The following NDUFS2 variants were observed in gnomAD, a reference collection of about 807,000 sequenced individuals.
NDUFS2 encodes NADH:ubiquinone oxidoreductase core subunit S2.
A neutral mutation model predicts 69.6 loss-of-function variants in NDUFS2; 38 were observed. That is an observed-to-expected ratio of 0.55 (90% CI 0.42 to 0.72). NDUFS2 has a LOEUF of 0.72. Ranked by LOEUF, NDUFS2 falls within the 30% of genes least tolerant of loss-of-function variation. The pLI, the probability that NDUFS2 is intolerant of heterozygous loss-of-function variation, is 0.00. For missense variants in NDUFS2, 468 were observed against 595.0 expected, an observed-to-expected ratio of 0.79 and a Z score of 2.22; for synonymous variants, 194 against 211.2, an observed-to-expected ratio of 0.92 and a Z score of 0.70.
chr1:161,204,612 CAA>C (rs1372690542), intron 2 of NDUFS2, among the ~76,000 whole-genome samples: 1 of 152,198 alleles, frequency 6.6e-6, no homozygotes, highest in African/African-American at 2.4e-5. Context: ...CCAAAACCTT[CAA>C]AGACACTTCC....
At chr1:161,203,379 A>G in intron 1 of NDUFS2, 58 bp from the exon 2 acceptor site, 4 of 1,455,508 alleles carry the variant, frequency 2.7e-6, no homozygotes, top group Non-Finnish European at 3.9e-6. Flanking sequence ...GTGAATGGGA[A>G]CACAGGAACC....
chr1:161,207,627 G>A (rs1476099641), intron 3 of NDUFS2, among the ~76,000 whole-genome samples: 9 of 151,236 alleles, frequency 6.0e-5, no homozygotes, highest in Non-Finnish European at 1.2e-4. Flanking sequence ...GGTGGTGTGC[G>A]CCTGTAGGAG....
intron 3 of NDUFS2, among the ~76,000 whole-genome samples, chr1:161,208,554 C>T (rs1384057139): frequency 6.6e-6 from 1 of 152,258 alleles, no homozygotes; most frequent in African/African-American, 2.4e-5. Context: ...CCCGCCTCGG[C>T]CTCCCAAAGT....
Position 161,209,303 on chromosome 1 carries a change from G to A in NDUFS2, c.504G>A (p.Gln168=). 6.2e-7 allele frequency: 1 copy of A among 1,614,176 alleles called. No homozygotes were observed. ...ACATCCGGCCTCCTCCTCGGGCACA[G>A]TGGATCCGAGGTATGTCCCCCCAAC... The part of the protein sequence containing the change: ...LLNIRPPPRA[Q]WIRVLFGEIT... The change falls in exon 4 of 14, where the codon CAG becomes CAA. Residue 168 remains glutamine, a synonymous_variant. Coordinates refer to ENST00000676972, the MANE Select transcript of NDUFS2 (RefSeq NM_001377299.1).
In NDUFS2 at chr1:161,211,695, T is replaced by C. The variant is rs945422678; in HGVS notation, c.987-656T>C. 4.0e-5 allele frequency among the ~76,000 whole-genome samples: 6 copies of C among 150,874 alleles called. No homozygotes were observed. In the Admixed American group the frequency reaches 4.0e-4, roughly 10 times the overall value. On this transcript the variant is annotated intron_variant, in intron 9 of 13. Transcript: ENST00000676972. ...CCAAAAACAAATTCTCCTCCTGTTTTCTCACCCTGAGTCAGATTTGTTACT... is the reference window on the plus strand; with the variant it reads ...CCAAAAACAAATTCTCCTCCTGTTTCCTCACCCTGAGTCAGATTTGTTACT...
upstream of NDUFS2, among the ~76,000 whole-genome samples, chr1:161,199,714 A>G (rs1000987613): frequency 3.3e-5 from 5 of 152,208 alleles, 1 homozygote; most frequent in African/African-American, 1.2e-4. Context: ...GGCAGATGAC[A>G]AGGCAGGAGG....
intron 3 of NDUFS2, among the ~76,000 whole-genome samples, chr1:161,207,585 C>G (rs375374744): frequency 9.9e-5 from 15 of 152,010 alleles, no homozygotes; most frequent in Admixed American, 5.2e-4. Context: ...GAAACCCCAT[C>G]TCTACTAAAA....
In NDUFS2 at chr1:161,203,185, A is replaced by G. The variant is rs376042537; in HGVS notation, c.96-252A>G. ...GCCGGGTTTGGTGGCGCATGCCTGT[A>G]ATCTCAGCTACTTGGGAGGCTGAAG... is the stretch of plus-strand genomic sequence containing the variant. On this transcript the variant is annotated intron_variant, in intron 1 of 13. Coordinates refer to ENST00000676972, the MANE Select transcript of NDUFS2 (RefSeq NM_001377299.1). Among the ~76,000 whole-genome samples the G allele has an allele frequency of 1.9e-4, 29 of 152,284 alleles. No homozygotes were observed. In the East Asian group the frequency reaches 5.0e-3, roughly 26 times the overall value.
At chr1:161,206,208 T>C (rs1438869111) in intron 2 of NDUFS2, among the ~76,000 whole-genome samples, 199 bp from the exon 3 acceptor site, 1 of 152,192 alleles carries the variant, frequency 6.6e-6, no homozygotes, top group East Asian at 1.9e-4. Context: ...GTGAGATTCA[T>C]GATGTCTGTC....
intron 10 of NDUFS2, 37 bp from the exon 11 acceptor site, chr1:161,213,337 GTTTGGA>G: frequency 2.2e-6 from 3 of 1,387,942 alleles, no homozygotes; most frequent in Non-Finnish European, 3.1e-6. Context: ...AGGAGACAGA[GTTTGGA>G]TATGGTTTAT....
At chr1:161,198,823 A>G, upstream of NDUFS2, 1 of 537,086 alleles carries the variant, frequency 1.9e-6, no homozygotes, top group Non-Finnish European at 3.2e-6. The surrounding 1 kb of genome is among the most constrained non-coding windows in gnomAD (Gnocchi z 4.7). Flanking sequence ...AGAGGTGCCC[A>G]GGGGTCTGGC....
At chr1:161,205,595 G>A (rs1171628369) in intron 2 of NDUFS2, among the ~76,000 whole-genome samples, 6 of 151,804 alleles carry the variant, frequency 4.0e-5, no homozygotes, top group East Asian at 1.9e-4. Context: ...TACTTCTTTC[G>A]CAAATTAAAA....
intron 10 of NDUFS2, 184 bp downstream of exon 10, chr1:161,212,664 AT>A: frequency 3.1e-6 from 2 of 641,432 alleles, no homozygotes; most frequent in Non-Finnish European, 5.0e-6. Flanking sequence ...GGTTCAAGCA[AT>A]TCTTCTGCCT....
chr1:161,213,554 T>C, intron 11 of NDUFS2, 79 bp downstream of exon 11: 1 of 1,539,200 alleles, frequency 6.5e-7, no homozygotes, highest in Non-Finnish European at 9.0e-7. Flanking sequence ...AGCTCATTCA[T>C]CAATGAGAGA....
chr1:161,198,388 C>A (rs767195003), upstream of NDUFS2: 4 of 1,611,550 alleles, frequency 2.5e-6, no homozygotes, highest in African/African-American at 5.3e-5. This position sits in a 1 kb window ranked among gnomAD's most constrained non-coding sequence, Gnocchi z 4.7. Flanking sequence ...GGCACAACAG[C>A]CTGGCAGGGG....
At position 161,214,305 on chromosome 1, in the gene NDUFS2, T is replaced by TA; in HGVS notation, c.*112_*113insA. 4 of 767,902 alleles carry TA rather than the reference T, an allele frequency of 5.2e-6. No individual in the cohort carries two copies. Among genetic ancestry groups the TA allele is most frequent in the South Asian group, 3.7e-5 (2 of 54,608 alleles). The allele number at this position is 767,902 out of a possible 1,614,324, so 47.6% of individuals were successfully genotyped here. A position where few individuals can be genotyped will look rare whatever the true frequency, so the allele number is the denominator to read the frequency against. ...TGTGTGTGTGTGTGTGTGTGTATGT[T>TA]CATGTACACTTGGCTGTCAGGCTTT... On this transcript the variant is annotated 3_prime_UTR_variant, in exon 14 of 14. Coordinates refer to ENST00000676972, the MANE Select transcript of NDUFS2 (RefSeq NM_001377299.1).
upstream of NDUFS2, among the ~76,000 whole-genome samples, chr1:161,201,575 A>C (rs1252183155): frequency 6.6e-6 from 1 of 152,244 alleles, no homozygotes; most frequent in Non-Finnish European, 1.5e-5. Flanking sequence ...CAGGAGGGCT[A>C]TAGCAGGGTC....
intron 10 of NDUFS2, chr1:161,213,008 G>A (rs1008617463): frequency 6.3e-6 from 2 of 318,390 alleles, no homozygotes; most frequent in East Asian, 8.1e-5. Flanking sequence ...GGGTTCAAGC[G>A]ATTCTCCTGC....
chr1:161,212,376 C>T lies in NDUFS2; in HGVS notation c.1012C>T (p.Arg338Cys), dbSNP rs1240493048. 1.9e-6 allele frequency: 3 copies of T among 1,613,492 alleles called. No homozygotes were observed. The highest frequency in any genetic ancestry group is 2.2e-5 in the East Asian group (1 of 44,846). ...GTACCTGTGCCGGGTGGAGGAGATGCGCCAGTCCCTGAGAATTATCGCACA... is the reference window on the plus strand; with the variant it reads ...GTACCTGTGCCGGGTGGAGGAGATGTGCCAGTCCCTGAGAATTATCGCACA... ...DRYLCRVEEM[R>C]QSLRIIAQCL... is the part of the protein sequence containing the mutation. Residue 338 changes from arginine to cysteine, a missense_variant, in exon 10 of 14, where the codon CGC (arginine) becomes TGC (cysteine). Transcript: ENST00000676972.
Sources: gnomAD v4.1 joint callset for allele counts (sites outside exome capture counted in the v4.1 genomes callset) on GRCh38, gnomAD v4.1.1 for gene constraint, Gnocchi (gnomAD v3.1) non-coding constraint, MANE v1.5 for transcripts, NCBI Gene and HGNC (gene_info 2026-07-23, HGNC 2026-07-21) for gene names.